Variants in SATB2 observed in about 807,000 individuals in gnomAD.
SATB2 encodes DNA-binding protein SATB2.
A neutral mutation model predicts 73.4 loss-of-function variants in SATB2; 1 was observed. The observed-to-expected ratio is 0.01, with a 90% CI of 0.00 to 0.06. SATB2 has a LOEUF of 0.06. Among genes scored for constraint, SATB2 ranks in the 10% least tolerant of loss-of-function variants. The pLI, the probability that SATB2 is intolerant of heterozygous loss-of-function variation, is 1.00. For synonymous variants in SATB2, 397 were observed against 367.0 expected (o/e 1.08, Z -0.93); for missense variants, 459 against 945.8 (o/e 0.49, Z 6.75).
chr2:199,420,436 G>T (rs1013778744), intron 3 of SATB2, among the ~76,000 whole-genome samples: 22 of 152,074 alleles, frequency 1.4e-4, no homozygotes, highest in African/African-American at 5.1e-4. Context: ...CATCCTACTG[G>T]TGGGTGCTTG....
At chr2:199,436,358 T>A (rs1691650801) in intron 2 of SATB2, among the ~76,000 whole-genome samples, 1 of 152,106 alleles carries the variant, frequency 6.6e-6, no homozygotes, top group African/African-American at 2.4e-5. Flanking sequence ...GAAGCAATTG[T>A]TAGCTGACAA....
At chr2:199,380,040 C>A (rs1480114509) in intron 5 of SATB2, among the ~76,000 whole-genome samples, 2 of 151,808 alleles carry the variant, frequency 1.3e-5, no homozygotes, top group Admixed American at 6.6e-5. Flanking sequence ...CATGTCACCA[C>A]GCCCAGCTAA....
At chr2:199,405,304 T>C (rs1040175876) in intron 3 of SATB2, among the ~76,000 whole-genome samples, 11 of 152,132 alleles carry the variant, frequency 7.2e-5, no homozygotes, top group Admixed American at 3.3e-4. Flanking sequence ...TCAGACATAA[T>C]AGAAGCCAAT....
chr2:199,433,535 A>G, intron 2 of SATB2, 21 bp from the exon 3 acceptor site: 4 of 1,612,300 alleles, frequency 2.5e-6, no homozygotes, highest in Non-Finnish European at 3.4e-6. Context: ...AAAATTCAAG[A>G]GCAAAACACA....
chr2:199,361,819 G>T (rs1225534404), intron 6 of SATB2, among the ~76,000 whole-genome samples: 1 of 137,890 alleles, frequency 7.3e-6, no homozygotes, highest in Non-Finnish European at 1.5e-5. Flanking sequence ...GTGCAGTGGC[G>T]CAATCTCAGC....
At chr2:199,431,783 C>T (rs968839097) in intron 3 of SATB2, among the ~76,000 whole-genome samples, 2 of 152,126 alleles carry the variant, frequency 1.3e-5, no homozygotes, top group East Asian at 1.9e-4. Context: ...TGTGAGCTCG[C>T]GACGCGCTGA....
At chr2:199,429,988 TA>T (rs1357028229) in intron 3 of SATB2, among the ~76,000 whole-genome samples, 1 of 152,198 alleles carries the variant, frequency 6.6e-6, no homozygotes, top group Non-Finnish European at 1.5e-5. Flanking sequence ...AGGGGAGAGA[TA>T]AAATGCCCAC....
At chr2:199,328,340 A>T (rs1688090265) in intron 8 of SATB2, among the ~76,000 whole-genome samples, 1 of 152,148 alleles carries the variant, frequency 6.6e-6, no homozygotes, top group Non-Finnish European at 1.5e-5. Flanking sequence ...CAGGAGTTCG[A>T]GAAGAGCCTG....
In SATB2 at chr2:199,463,738, G is replaced by C. The variant is rs912653072; in HGVS notation, c.-141+1098C>G. On this transcript the variant is annotated intron_variant, in intron 1 of 11. Coordinates refer to the SATB2 transcript ENST00000260926. This position sits in a 1 kb window ranked among gnomAD's most constrained non-coding sequence, Gnocchi z 6.4. The stretch of plus-strand genomic sequence containing the variant: ...ACTCAACACAAAAACGCCCTGGCGC[G>C]TGCAAAATACGAACGCCCACAGTTT... 6.6e-6 allele frequency among the ~76,000 whole-genome samples: 1 copy of C among 152,184 alleles called. No individual in the cohort carries two copies. The highest frequency in any genetic ancestry group is 2.1e-4 in the South Asian group (1 of 4,828).
At chr2:199,401,511 C>A (rs1690476727) in intron 3 of SATB2, among the ~76,000 whole-genome samples, 1 of 150,960 alleles carries the variant, frequency 6.6e-6, no homozygotes, top group African/African-American at 2.4e-5. Flanking sequence ...TGAGACGGCA[C>A]CACTGCACTC....
chr2:199,300,577 G>A (rs1000622886), intron 10 of SATB2, among the ~76,000 whole-genome samples: 1 of 151,850 alleles, frequency 6.6e-6, no homozygotes, highest in Non-Finnish European at 1.5e-5. Flanking sequence ...TCTGAGCACC[G>A]GGCTTGTATC....
intron 7 of SATB2, among the ~76,000 whole-genome samples, chr2:199,330,988 G>A (rs958873787): frequency 1.3e-5 from 2 of 151,990 alleles, no homozygotes; most frequent in African/African-American, 2.4e-5. Context: ...AATTTGTTTA[G>A]TTATTATGAT....
chr2:199,367,150 A>G (rs1689309773), intron 6 of SATB2, among the ~76,000 whole-genome samples: 1 of 152,198 alleles, frequency 6.6e-6, no homozygotes, highest in Admixed American at 6.5e-5. Flanking sequence ...CCTATTTTAA[A>G]AGAAAAACCT....
At chr2:199,315,379 G>C (rs1257232246) in intron 9 of SATB2, among the ~76,000 whole-genome samples, 1 of 152,090 alleles carries the variant, frequency 6.6e-6, no homozygotes, top group African/African-American at 2.4e-5. Context: ...CAAATGACCA[G>C]GGAGGCCTTT....
At chr2:199,348,366 A>C in intron 7 of SATB2, 1 of 208,502 alleles carries the variant, frequency 4.8e-6, no homozygotes, top group Non-Finnish European at 9.7e-6. Context: ...CAAGAGACTG[A>C]TAATCACAAA....
rs1250795765 is a variant in SATB2 at position 199,271,491 on chromosome 2, G to A, written c.*720C>T. 1 of 146,360 alleles carries A rather than the reference G, an allele frequency of 6.8e-6. No individual in the cohort carries two copies. The highest frequency in any genetic ancestry group is 1.9e-4 in the East Asian group (1 of 5,166). The allele number at this position is 146,360 out of a possible 1,614,324, so 9.1% of individuals were successfully genotyped here. ...CTTCACTTTTTTTTTTTTCGGCAGTGTCGTTTATTTTGTTAAATACATACC... is the reference window on the plus strand; with the variant it reads ...CTTCACTTTTTTTTTTTTCGGCAGTATCGTTTATTTTGTTAAATACATACC... On this transcript the variant is annotated 3_prime_UTR_variant, in exon 11 of 11. Transcript: ENST00000417098.
In SATB2 at chr2:199,463,516, C is replaced by T. The variant is rs759718161; in HGVS notation, c.-141+1320G>A. Among the ~76,000 whole-genome samples, 4 of 152,164 alleles carry T rather than the reference C, an allele frequency of 2.6e-5. No homozygotes were observed. The highest frequency in any genetic ancestry group is 4.4e-5 in the Non-Finnish European group (3 of 68,030). ...GTCAATGTCCCGCCACCCTCGAGCC[C>T]GGGTCACTGCCCGGGTCCCGGCCCG... On this transcript the variant is annotated intron_variant, in intron 1 of 11. Coordinates refer to the SATB2 transcript ENST00000260926. This position sits in a 1 kb window ranked among gnomAD's most constrained non-coding sequence, Gnocchi z 6.4.
intron 10 of SATB2, among the ~76,000 whole-genome samples, chr2:199,282,884 C>T (rs1194031687): frequency 1.3e-5 from 2 of 152,108 alleles, no homozygotes; most frequent in Admixed American, 1.3e-4. Context: ...GAAAAGTTGC[C>T]TCTGAAGCAT....
intron 10 of SATB2, among the ~76,000 whole-genome samples, chr2:199,303,717 C>T (rs1373530785): frequency 6.6e-6 from 1 of 152,144 alleles, no homozygotes; most frequent in African/African-American, 2.4e-5. Context: ...GGTTGAGAAT[C>T]ATTGGTTGCT....
Sources: gnomAD v4.1 joint callset for allele counts (sites outside exome capture counted in the v4.1 genomes callset) on GRCh38, gnomAD v4.1.1 for gene constraint, Gnocchi (gnomAD v3.1) non-coding constraint, MANE v1.5 for transcripts, NCBI Gene and HGNC (gene_info 2026-07-23, HGNC 2026-07-21) for gene names.